Variants in EFNA1 observed in about 807,000 individuals in gnomAD.
EFNA1 encodes the protein ephrin A1, also known as ephrin-A1.
A neutral mutation model predicts 23.2 loss-of-function variants in EFNA1; 8 were observed. The ratio of observed to expected loss-of-function variants is 0.34; its 90% CI spans 0.20 to 0.62. The LOEUF (loss-of-function observed/expected upper bound fraction) is 0.62. Ranked by LOEUF, EFNA1 falls within the 20% of genes least tolerant of loss-of-function variation. The pLI, the probability that EFNA1 is intolerant of heterozygous loss-of-function variation, is 0.75. For synonymous variants in EFNA1, 89 were observed against 98.6 expected, an observed-to-expected ratio of 0.90 and a Z score of 0.58; for missense variants, 217 against 260.0, an observed-to-expected ratio of 0.83 and a Z score of 1.14.
chr1:155,128,446 T>C (rs1269769988), intron 1 of EFNA1, among the ~76,000 whole-genome samples: 2 of 151,972 alleles, frequency 1.3e-5, no homozygotes, highest in Non-Finnish European at 2.9e-5. Flanking sequence ...GTGTGTCCTT[T>C]GGGTATCTGA....
At chr1:155,130,722 G>A in intron 1 of EFNA1, 1 of 985,334 alleles carries the variant, frequency 1.0e-6, no homozygotes, top group Non-Finnish European at 1.2e-6. Context: ...TTAACTTAAA[G>A]GACTGGGGCA....
At chr1:155,130,495 GGA>G in intron 1 of EFNA1, 2 of 982,676 alleles carry the variant, frequency 2.0e-6, no homozygotes, top group East Asian at 2.3e-4. Flanking sequence ...GGGGAGAGGA[GGA>G]GAGAGGGGAG....
intron 2 of EFNA1, among the ~76,000 whole-genome samples, chr1:155,133,036 G>A (rs369031183): frequency 3.3e-4 from 50 of 151,760 alleles, no homozygotes; most frequent in African/African-American, 6.8e-4. Flanking sequence ...TCAGCCTCCC[G>A]AGTAGCTGGG....
intron 2 of EFNA1, among the ~76,000 whole-genome samples, chr1:155,132,010 G>A (rs933358940): frequency 2.6e-5 from 4 of 151,972 alleles, no homozygotes; most frequent in South Asian, 2.1e-4. Context: ...TGGTCCCAGA[G>A]CTCAGGACAA....
chr1:155,133,516 C>T lies in EFNA1; in HGVS notation c.402C>T (p.His134=), dbSNP rs1258407591. ...HSYYYISKPI[H]QHEDRCLRLK... ...CTTATCTTGCAGCCAAACCCATCCACCAGCATGAAGACCGCTGCTTGAGGT... is the reference window on the plus strand; with the variant it reads ...CTTATCTTGCAGCCAAACCCATCCATCAGCATGAAGACCGCTGCTTGAGGT... The change falls in exon 3 of 5, where the codon CAC becomes CAT. Residue 134 remains histidine, a synonymous_variant. Transcript: ENST00000368407. 2 of 1,614,086 alleles carry T rather than the reference C, an allele frequency of 1.2e-6. No homozygotes were observed. Among genetic ancestry groups the T allele is most frequent in the Non-Finnish European group, 1.7e-6 (2 of 1,180,026 alleles).
Position 155,128,004 on chromosome 1 carries a change from G to A in EFNA1, c.27G>A (p.Leu9=). ...TGGAGTTCCTCTGGGCCCCTCTCTT[G>A]GGTCTGTGCTGCAGTCTGGCCGCTG... MEFLWAPL[L]GLCCSLAAAD... is the part of the protein sequence containing the mutation. The change falls in exon 1 of 5, where the codon TTG becomes TTA. Residue 9 remains leucine (L), a synonymous_variant. Coordinates refer to ENST00000368407, the MANE Select transcript of EFNA1 (RefSeq NM_004428.3). 1.9e-6 allele frequency: 3 copies of A among 1,613,504 alleles called. No individual in the cohort carries two copies. Among genetic ancestry groups the A allele is most frequent in the Non-Finnish European group, 2.5e-6 (3 of 1,179,980 alleles).
chr1:155,127,896 G>C lies in EFNA1; in HGVS notation c.-82G>C. ...GGGCCAGATCTGTGAGCCCAGCGCT[G>C]ACTGCGCCGCGGAGAAAGCCAGTGG... On this transcript the variant is annotated 5_prime_UTR_variant, in exon 1 of 5. Coordinates refer to ENST00000368407, the MANE Select transcript of EFNA1 (RefSeq NM_004428.3). This position sits in a 1 kb window ranked among gnomAD's most constrained non-coding sequence, Gnocchi z 4.4. The C allele has an allele frequency of 8.9e-7, 1 of 1,127,774 alleles. No individual in the cohort carries two copies. Among genetic ancestry groups the C allele is most frequent in the East Asian group, 2.5e-5 (1 of 39,448 alleles). 69.9% of individuals were successfully genotyped at this position (1,127,774 alleles called of 1,614,324 possible). A position where few individuals can be genotyped will look rare whatever the true frequency, so the allele number is the denominator to read the frequency against.
Position 155,133,998 on chromosome 1 carries a change from T to C in EFNA1, c.549T>C (p.Ala183=). The C allele has an allele frequency of 6.2e-7, 1 of 1,614,166 alleles. No homozygotes were observed. The highest frequency in any genetic ancestry group is 1.3e-5 in the African/African-American group (1 of 75,052). Residue 183 remains alanine, a synonymous_variant, in exon 5 of 5, where the codon GCT becomes GCC. Transcript: ENST00000368407. ...TTCTACATAGCATCGGTCACAGTGC[T>C]GCCCCACGCCTCTTCCCACTTGCCT... ...VRVLHSIGHS[A]APRLFPLAWT...
chr1:155,127,957 G>C lies in EFNA1; in HGVS notation c.-21G>C. The C allele has an allele frequency of 7.5e-6, 12 of 1,607,582 alleles. No homozygotes were observed. Among genetic ancestry groups the C allele is most frequent in the Non-Finnish European group, 1.0e-5 (12 of 1,176,900 alleles). On this transcript the variant is annotated 5_prime_UTR_variant, in exon 1 of 5. Transcript: ENST00000368407. This position sits in a 1 kb window ranked among gnomAD's most constrained non-coding sequence, Gnocchi z 4.4. ...CCATAGGAGACCCGCGTCCCCGCTC[G>C]GCCTGGCCAGGCCCCGCGCTATGGA...
rs118172594 is a variant in EFNA1 at position 155,128,659 on chromosome 1, G to T, written c.92+590G>T. Reference sequence around the variant, plus strand: ...CATGCTGTGCATGGGTAGGCTGAGGGAATCACCTGTTTATGGGGCTCTCAA... The same window carrying T: ...CATGCTGTGCATGGGTAGGCTGAGGTAATCACCTGTTTATGGGGCTCTCAA... On this transcript the variant is annotated intron_variant, in intron 1 of 4. Transcript: ENST00000368407. 3.3e-4 allele frequency among the ~76,000 whole-genome samples: 50 copies of T among 152,330 alleles called. 1 individual carries two copies. In the East Asian group the frequency reaches 9.3e-3, roughly 28 times the overall value.
rs1252012991 is a variant in EFNA1, at chr1:155,134,490, AAC to A, written c.*425_*426del. 1.4e-5 allele frequency: 3 copies of A among 212,154 alleles called. No individual in the cohort carries two copies. The highest frequency in any genetic ancestry group is 1.1e-4 in the Admixed American group (2 of 19,046). The allele number at this position is 212,154 out of a possible 1,614,324, so 13.1% of individuals were successfully genotyped here. A position where few individuals can be genotyped will look rare whatever the true frequency, so the allele number is the denominator to read the frequency against. Reference sequence around the variant, plus strand: ...TGAACTGACTGAAGGAAAAGCAAGAAACAGTTTCTTGCTTGGAAGCCAGGTAC... The same window carrying A: ...TGAACTGACTGAAGGAAAAGCAAGAAAGTTTCTTGCTTGGAAGCCAGGTAC... On this transcript the variant is annotated 3_prime_UTR_variant, in exon 5 of 5. Coordinates refer to ENST00000368407, the MANE Select transcript of EFNA1 (RefSeq NM_004428.3).
At chr1:155,129,660 G>C (rs1406786181) in intron 1 of EFNA1, 2 of 152,692 alleles carry the variant, frequency 1.3e-5, no homozygotes, top group African/African-American at 4.8e-5. Context: ...GAACGGGGTA[G>C]GTGAGGCTGG....
intron 1 of EFNA1, chr1:155,130,826 A>C: frequency 1.0e-6 from 1 of 985,272 alleles, no homozygotes; most frequent in Non-Finnish European, 1.2e-6. Flanking sequence ...GAAATGTGAG[A>C]GGAGTAAGGA....
rs1388514930 is a variant in EFNA1, at chr1:155,133,765, A to G, written c.490A>G (p.Lys164Glu). 2 of 1,614,056 alleles carry G rather than the reference A, an allele frequency of 1.2e-6. No individual in the cohort carries two copies. The highest frequency in any genetic ancestry group is 1.7e-6 in the Non-Finnish European group (2 of 1,179,998). Residue 164 changes from lysine (K) to glutamate (E), a missense_variant, in exon 4 of 5, where the codon AAG becomes GAG. Transcript: ENST00000368407. ...SPQAHDNPQE[K>E]RLAADDPEVR... ...TCAGGCCCATGACAATCCACAGGAG[A>G]AGAGACTTGCAGCAGGTGGGTAGCT...
At position 155,133,506 on chromosome 1, in the gene EFNA1, A is replaced by G; in HGVS notation, c.392A>G (p.Lys131Arg). The G allele has an allele frequency of 6.2e-7, 1 of 1,614,144 alleles. No individual in the cohort carries two copies. The highest frequency in any genetic ancestry group is 1.6e-4 in the Middle Eastern group (1 of 6,062). Reference sequence around the variant, plus strand: ...CCCCTGTGGGCTTATCTTGCAGCCAAACCCATCCACCAGCATGAAGACCGC... The same window carrying G: ...CCCCTGTGGGCTTATCTTGCAGCCAGACCCATCCACCAGCATGAAGACCGC... ...KEGHSYYYIS[K>R]PIHQHEDRCL... The change falls in exon 3 of 5, where the codon AAA becomes AGA. Residue 131 changes from lysine (K) to arginine (R), a missense_variant. Physicochemically the swap from Lys to Arg is conservative, Grantham distance 26. Transcript: ENST00000368407.
chr1:155,131,512 G>A lies in EFNA1; in HGVS notation c.266G>A (p.Arg89His), dbSNP rs569517236. The change falls in exon 2 of 5, where the codon CGC becomes CAC. Residue 89 changes from arginine to histidine, a missense_variant. Transcript: ENST00000368407. ...CAGCCCCAGTCCAAGGACCAAGTCC[G>A]CTGGCAGTGCAACCGGCCCAGTGCC... ...LCQPQSKDQVRWQCNRPSAKH... is the reference protein window; with the variant it reads ...LCQPQSKDQVHWQCNRPSAKH... 7 of 1,613,496 alleles carry A rather than the reference G, an allele frequency of 4.3e-6. No homozygotes were observed. Among genetic ancestry groups the A allele is most frequent in the Middle Eastern group, 1.7e-4 (1 of 6,022 alleles).
chr1:155,130,417 G>C, intron 1 of EFNA1: 1 of 779,320 alleles, frequency 1.3e-6, no homozygotes, highest in South Asian at 5.8e-5. Flanking sequence ...GAGCCGGTGG[G>C]GCCAGGGGGA....
Sources: gnomAD v4.1 joint callset for allele counts (sites outside exome capture counted in the v4.1 genomes callset) on GRCh38, gnomAD v4.1.1 for gene constraint, Gnocchi (gnomAD v3.1) non-coding constraint, MANE v1.5 for transcripts, NCBI Gene and HGNC (gene_info 2026-07-23, HGNC 2026-07-21) for gene names.